BLK: variants seen among roughly 807,000 people sequenced by gnomAD.
BLK encodes the protein tyrosine-protein kinase Blk.
A neutral mutation model predicts 61.8 loss-of-function variants in BLK; 64 were observed. The observed-to-expected ratio is 1.03, with a 90% CI of 0.85 to 1.27. The LOEUF (loss-of-function observed/expected upper bound fraction) is 1.27, where lower values mean the gene tolerates loss of function less well. Among genes scored for constraint, BLK ranks in the 50% most tolerant of loss-of-function variants. The pLI is 0.00. For synonymous variants in BLK, 351 were observed against 272.0 expected, an observed-to-expected ratio of 1.29 and a Z score of -2.86; for missense variants, 853 against 660.5, an observed-to-expected ratio of 1.29 and a Z score of -3.19.
At chr8:11,520,625 T>G (rs1799413089) in intron 1 of BLK, among the ~76,000 whole-genome samples, 1 of 152,138 alleles carries the variant, frequency 6.6e-6, no homozygotes, top group Non-Finnish European at 1.5e-5. Context: ...AGATATCTTC[T>G]GCAAGCCTAT....
At chr8:11,504,411 GAAAA>G (rs1188358209) in intron 1 of BLK, among the ~76,000 whole-genome samples, 1 of 108,746 alleles carries the variant, frequency 9.2e-6, no homozygotes, top group Admixed American at 1.0e-4. Context: ...GAAAAGAAAA[GAAAA>G]AAAAAAGAAA....
intron 1 of BLK, among the ~76,000 whole-genome samples, chr8:11,514,196 T>G (rs913183734): frequency 1.3e-5 from 2 of 152,212 alleles, no homozygotes; most frequent in Admixed American, 1.3e-4. Context: ...CTTGACCATG[T>G]GCTACCTGTC....
chr8:11,538,972 A>C (rs1268390990), intron 1 of BLK, among the ~76,000 whole-genome samples: 1 of 152,234 alleles, frequency 6.6e-6, no homozygotes, highest in Non-Finnish European at 1.5e-5. Context: ...TAAAAGAAAG[A>C]AAGTCAAAGT....
intron 4 of BLK, 49 bp downstream of exon 4, chr8:11,548,174 C>G (rs202061540): frequency 1.4e-5 from 20 of 1,478,600 alleles, no homozygotes; most frequent in East Asian, 9.1e-5. Flanking sequence ...CCCCCTCCCC[C>G]ACATCTCTCC....
chr8:11,555,721 GC>G, intron 8 of BLK: 1 of 645,184 alleles, frequency 1.5e-6, no homozygotes, highest in Non-Finnish European at 2.7e-6. Context: ...AGCTCACCCA[GC>G]CCCGAAGTCG....
At chr8:11,533,040 A>T (rs2117388175) in intron 1 of BLK, among the ~76,000 whole-genome samples, 1 of 152,352 alleles carries the variant, frequency 6.6e-6, no homozygotes. Context: ...AGCATGCAGT[A>T]AAATGCCCAG....
intron 1 of BLK, among the ~76,000 whole-genome samples, chr8:11,517,141 G>T (rs1799261847): frequency 6.6e-6 from 1 of 152,190 alleles, no homozygotes; most frequent in Non-Finnish European, 1.5e-5. Flanking sequence ...CAGGGAAGAG[G>T]AGAGCAGGGA....
At chr8:11,529,270 A>G (rs2264870) in intron 1 of BLK, among the ~76,000 whole-genome samples, 2,598 of 152,290 alleles carry the variant, frequency 0.017, 45 homozygotes, top group African/African-American at 0.045. Flanking sequence ...GGAAGACCGG[A>G]GTCTTATTAT....
intron 1 of BLK, among the ~76,000 whole-genome samples, chr8:11,503,422 C>G (rs117596252): frequency 6.6e-6 from 1 of 152,222 alleles, no homozygotes; most frequent in Non-Finnish European, 1.5e-5. Flanking sequence ...CACACCCAGA[C>G]GACTAGTAAC....
In BLK at chr8:11,559,191, C is replaced by T. The variant is rs117321166; in HGVS notation, c.1029+1153C>T. 1.4e-4 allele frequency among the ~76,000 whole-genome samples: 21 copies of T among 152,260 alleles called. No individual in the cohort carries two copies. The East Asian group carries it at 3.9e-3, about 28-fold the overall frequency. On this transcript the variant is annotated intron_variant, in intron 10 of 12. Transcript: ENST00000259089. ...ATCGGAGTTTAATACCTGGATGTAG[C>T]CACAGAATCGGGGGTGAGGAGCCAG...
rs757483594 is a variant in BLK at position 11,556,828 on chromosome 8, A to G, written c.943A>G (p.Met315Val). Residue 315 changes from methionine to valine, a missense_variant, in exon 9 of 13, where the codon ATG becomes GTG. By Grantham distance (21) the Met-to-Val change is conservative. Transcript: ENST00000259089. ...KEPIYIVTEY[M>V]ARGCLLDFLK... ...GCCCATCTACATTGTCACCGAGTAC[A>G]TGGCCAGAGGTGGTGCCCCCCGCAG... is the stretch of plus-strand genomic sequence containing the variant. 5.0e-6 allele frequency: 8 copies of G among 1,613,900 alleles called. No individual in the cohort carries two copies. In the East Asian group the frequency reaches 8.9e-5, roughly 18 times the overall value.
chr8:11,509,150 G>T (rs1222513482), intron 1 of BLK: 2 of 151,212 alleles, frequency 1.3e-5, no homozygotes, highest in Admixed American at 1.3e-4. Context: ...CCTCCTTTAG[G>T]TTACACCGCA....
intron 1 of BLK, among the ~76,000 whole-genome samples, chr8:11,538,832 G>T (rs1800247559): frequency 6.6e-6 from 1 of 152,200 alleles, no homozygotes; most frequent in South Asian, 2.1e-4. Flanking sequence ...GTCAAGAACT[G>T]CAGGCTGGCC....
chr8:11,564,511 G>C lies in BLK; in HGVS notation c.*403G>C. ...CTGCCCCGCTACAGAAGCCAGACTGGGTCCCGCGGACGCCAGCAGGGGCAG... is the reference window on the plus strand; with the variant it reads ...CTGCCCCGCTACAGAAGCCAGACTGCGTCCCGCGGACGCCAGCAGGGGCAG... On this transcript the variant is annotated 3_prime_UTR_variant, in exon 13 of 13. Transcript: ENST00000259089. 2.0e-6 allele frequency: 1 copy of C among 496,130 alleles called. No individual in the cohort carries two copies. The highest frequency in any genetic ancestry group is 3.9e-6 in the Non-Finnish European group (1 of 253,232). 30.7% of individuals were successfully genotyped at this position (496,130 alleles called of 1,614,324 possible).
At chr8:11,526,529 G>A (rs566218860) in intron 1 of BLK, among the ~76,000 whole-genome samples, 7 of 152,228 alleles carry the variant, frequency 4.6e-5, no homozygotes, top group African/African-American at 1.7e-4. Context: ...GACCAGCCTG[G>A]GCAAAATGAT....
chr8:11,509,834 G>C (rs1252692363), intron 1 of BLK: 2 of 152,172 alleles, frequency 1.3e-5, no homozygotes, highest in Non-Finnish European at 2.9e-5. Flanking sequence ...TTACCTAAGA[G>C]CTACCCATTT....
chr8:11,495,542 C>T (rs1364909684), intron 1 of BLK, among the ~76,000 whole-genome samples: 3 of 152,158 alleles, frequency 2.0e-5, no homozygotes, highest in Admixed American at 6.5e-5. Flanking sequence ...CGGTTCTTCC[C>T]ACCAACTCAT....
At chr8:11,510,696 T>C (rs1185792245) in intron 1 of BLK, among the ~76,000 whole-genome samples, 2 of 151,918 alleles carry the variant, frequency 1.3e-5, no homozygotes, top group Non-Finnish European at 1.5e-5. Context: ...CATACAGAGG[T>C]CCAGTAATGG....
chr8:11,543,411 G>T, intron 2 of BLK, 64 bp downstream of exon 2: 1 of 1,598,548 alleles, frequency 6.3e-7, no homozygotes, highest in Admixed American at 1.7e-5. Context: ...TAATGTCCAA[G>T]TTTGTAAAAT....
Sources: allele counts gnomAD v4.1 joint callset (sites outside exome capture counted in the v4.1 genomes callset), GRCh38; gene constraint gnomAD v4.1.1; transcripts MANE v1.5; gene names NCBI Gene and HGNC (gene_info 2026-07-23, HGNC 2026-07-21).